ZNF827: variants seen among roughly 807,000 people sequenced by gnomAD.
ZNF827 encodes the protein zinc finger protein 827.
In ZNF827, 13 loss-of-function variants were observed where a neutral mutation model predicts 102.4. That is an observed-to-expected ratio of 0.13 (90% confidence interval 0.08 to 0.20). ZNF827 has a LOEUF of 0.20. ZNF827 is among the 10% of genes least tolerant of loss of function. The pLI, the probability that ZNF827 is intolerant of heterozygous loss-of-function variation, is 1.00. For missense variants in ZNF827, 1,103 were observed against 1,344.4 expected (o/e 0.82, Z 2.81); for synonymous variants, 523 against 536.2 (o/e 0.98, Z 0.34).
intron 3 of ZNF827, among the ~76,000 whole-genome samples, chr4:145,886,853 A>T (rs9997500): frequency 6.6e-6 from 1 of 152,250 alleles, no homozygotes; most frequent in Non-Finnish European, 1.5e-5. Flanking sequence ...GACGTCTGCA[A>T]TGAAAGAATG....
At chr4:145,907,494 T>C (rs1751961961) in intron 1 of ZNF827, among the ~76,000 whole-genome samples, 1 of 152,218 alleles carries the variant, frequency 6.6e-6, no homozygotes, top group African/African-American at 2.4e-5. Context: ...TCTTTCACAA[T>C]CTGAGAAGTC....
At chr4:145,853,359 G>A (rs553970532) in intron 5 of ZNF827, among the ~76,000 whole-genome samples, 5 of 152,328 alleles carry the variant, frequency 3.3e-5, no homozygotes, top group Non-Finnish European at 7.3e-5. Context: ...CACACACAAC[G>A]TGAATCCTTT....
Position 145,904,589 on chromosome 4 carries a change from G to A in ZNF827, c.44-1374C>T, listed in dbSNP as rs116736194. 4.2e-3 allele frequency among the ~76,000 whole-genome samples: 634 copies of A among 152,340 alleles called. 4 individuals are homozygous for A. The highest frequency in any genetic ancestry group is 0.013 in the African/African-American group (525 of 41,576). On this transcript the variant is annotated intron_variant, in intron 1 of 14. Transcript: ENST00000508784. ...CCTGCTGTGGGAACATGCCTGGCAC[G>A]CCCATGGAACAGCACTGAAGCCAGT...
At chr4:145,849,800 G>A (rs984666682) in intron 5 of ZNF827, among the ~76,000 whole-genome samples, 1 of 152,300 alleles carries the variant, frequency 6.6e-6, no homozygotes, top group South Asian at 2.1e-4. Flanking sequence ...CGAGATCACA[G>A]ATGGTAGCAG....
chr4:145,891,411 T>A (rs893358562), intron 3 of ZNF827, among the ~76,000 whole-genome samples: 1 of 152,234 alleles, frequency 6.6e-6, no homozygotes, highest in Non-Finnish European at 1.5e-5. Flanking sequence ...TTTGATCCCA[T>A]GAGTTTCCTC....
chr4:145,899,197 G>T (rs1348737756), intron 2 of ZNF827, among the ~76,000 whole-genome samples: 1 of 152,084 alleles, frequency 6.6e-6, no homozygotes, highest in Non-Finnish European at 1.5e-5. Flanking sequence ...CCCATACAGG[G>T]GTGATGACTC....
chr4:145,896,568 T>C lies in ZNF827; in HGVS notation c.1094-4153A>G, dbSNP rs7685941. On this transcript the variant is annotated intron_variant, in intron 2 of 14. Transcript: ENST00000508784. Reference sequence around the variant, plus strand: ...CCGTAAGGAGATTAAATGAAAAAGGTTGGGTTAAGGGAATAGAGAGAAGTG... The same window carrying C: ...CCGTAAGGAGATTAAATGAAAAAGGCTGGGTTAAGGGAATAGAGAGAAGTG... 8.8e-3 allele frequency among the ~76,000 whole-genome samples: 1,333 copies of C among 151,990 alleles called. 22 individuals are homozygous for C. The highest frequency in any genetic ancestry group is 0.031 in the African/African-American group (1,275 of 41,446).
rs574985810 is a variant in ZNF827 at position 145,904,849 on chromosome 4, G to T, written c.44-1634C>A. Among the ~76,000 whole-genome samples the T allele has an allele frequency of 9.8e-5, 15 of 152,334 alleles. 1 individual carries two copies. The South Asian group carries it at 3.1e-3, about 32-fold the overall frequency. On this transcript the variant is annotated intron_variant, in intron 1 of 14. Coordinates refer to ENST00000508784, the MANE Select transcript of ZNF827 (RefSeq NM_001306215.2). ...ACTGGGTACCACTGGAGGGTTTGTGGCAAGCGAGTGTTATGACATGACTTA... is the reference window on the plus strand; with the variant it reads ...ACTGGGTACCACTGGAGGGTTTGTGTCAAGCGAGTGTTATGACATGACTTA...
chr4:145,830,248 C>T lies in ZNF827; in HGVS notation c.2280-6723G>A, dbSNP rs184651043. ...AGAGCTTGCTAATAATAACAGATTA[C>T]AGGCCTTGCCAAAAGACAAAAAAAG... On this transcript the variant is annotated intron_variant, in intron 7 of 14. Transcript: ENST00000508784. 1.6e-4 allele frequency among the ~76,000 whole-genome samples: 24 copies of T among 150,514 alleles called. No homozygotes were observed. In the East Asian group the frequency reaches 4.0e-3, roughly 25 times the overall value.
At chr4:145,918,878 C>A (rs1473538368) in intron 1 of ZNF827, among the ~76,000 whole-genome samples, 5 of 152,202 alleles carry the variant, frequency 3.3e-5, no homozygotes, top group Admixed American at 3.3e-4. Flanking sequence ...TGGTGCAAAT[C>A]CTCTATGAAT....
Position 145,864,512 on chromosome 4 carries a change from T to G in ZNF827, c.1981+5733A>C, listed in dbSNP as rs559730202. Reference sequence around the variant, plus strand: ...TGGAGCCTGAGGTGGGAGGATCGCTTGAGCCTAGGAGTTCAAGGTTACAGT... The same window carrying G: ...TGGAGCCTGAGGTGGGAGGATCGCTGGAGCCTAGGAGTTCAAGGTTACAGT... On this transcript the variant is annotated intron_variant, in intron 5 of 14. Coordinates refer to ENST00000508784, the MANE Select transcript of ZNF827 (RefSeq NM_001306215.2). Among the ~76,000 whole-genome samples the G allele has an allele frequency of 3.1e-3, 476 of 151,824 alleles. 2 individuals carry two copies. The highest frequency in any genetic ancestry group is 0.011 in the African/African-American group (457 of 41,382).
intron 7 of ZNF827, among the ~76,000 whole-genome samples, chr4:145,833,833 C>T (rs113381324): frequency 0.041 from 6,212 of 151,866 alleles, 398 homozygotes; most frequent in African/African-American, 0.14. Context: ...TATTTCTGCG[C>T]CCCATCCCTT....
rs570530373 is a variant in ZNF827 at position 145,852,074 on chromosome 4, C to T, written c.1982-2513G>A. ...TCAGTGTCATAGGTACATAATGATG[C>T]GTCTGAATCTTGCACTGGGAAGTCA... On this transcript the variant is annotated intron_variant, in intron 5 of 14. Coordinates refer to ENST00000508784, the MANE Select transcript of ZNF827 (RefSeq NM_001306215.2). 1.1e-4 allele frequency among the ~76,000 whole-genome samples: 17 copies of T among 152,270 alleles called. No homozygotes were observed. In the East Asian group the frequency reaches 1.5e-3, roughly 14 times the overall value.
chr4:145,784,016 G>C (rs1159234926), intron 8 of ZNF827, among the ~76,000 whole-genome samples: 1 of 152,082 alleles, frequency 6.6e-6, no homozygotes, highest in Non-Finnish European at 1.5e-5. Flanking sequence ...TTGTTTAAAA[G>C]TGTGCAGCAC....
intron 4 of ZNF827, 73 bp from the exon 5 acceptor site, chr4:145,870,551 G>GT: frequency 7.7e-7 from 1 of 1,297,498 alleles, no homozygotes; most frequent in Non-Finnish European, 1.1e-6. Context: ...GGTACTTCAC[G>GT]AAGTATGGAA....
At chr4:145,776,790 T>A (rs1737183805) in intron 9 of ZNF827, among the ~76,000 whole-genome samples, 1 of 152,244 alleles carries the variant, frequency 6.6e-6, no homozygotes, top group South Asian at 2.1e-4. Context: ...GAAAAAATGC[T>A]GTGTGAAATA....
At chr4:145,837,935 G>A (rs1171698456) in intron 7 of ZNF827, among the ~76,000 whole-genome samples, 2 of 151,762 alleles carry the variant, frequency 1.3e-5, no homozygotes, top group Non-Finnish European at 2.9e-5. Context: ...AATCCCGCTT[G>A]AAGCAGCCCT....
rs115866155 is a variant in ZNF827, at chr4:145,861,941, T to C, written c.1981+8304A>G. Among the ~76,000 whole-genome samples the C allele has an allele frequency of 9.8e-3, 1,490 of 152,298 alleles. 21 individuals are homozygous for C. Among genetic ancestry groups the C allele is most frequent in the African/African-American group, 0.032 (1,349 of 41,550 alleles). On this transcript the variant is annotated intron_variant, in intron 5 of 14. Transcript: ENST00000508784. The stretch of plus-strand genomic sequence containing the variant: ...AAGAGCCCTTTTGAGTCTGGTCTTT[T>C]GAATCCCAGGCCTTGGAGAAAGCTG...
Position 145,902,105 on chromosome 4 carries a change from A to G in ZNF827, c.1093+61T>C. 2 of 1,514,576 alleles carry G rather than the reference A, an allele frequency of 1.3e-6. No individual in the cohort carries two copies. The highest frequency in any genetic ancestry group is 8.8e-7 in the Non-Finnish European group (1 of 1,132,662). 93.8% of individuals were successfully genotyped at this position (1,514,576 alleles called of 1,614,324 possible). ...AACCCAACTGAAAAAAGCAATGAATAAGACATCGCAGTTTATAGTCTAAAG... is the reference window on the plus strand; with the variant it reads ...AACCCAACTGAAAAAAGCAATGAATGAGACATCGCAGTTTATAGTCTAAAG... On this transcript the variant is annotated intron_variant, in intron 2 of 14. Coordinates refer to ENST00000508784, the MANE Select transcript of ZNF827 (RefSeq NM_001306215.2). This position sits in a 1 kb window ranked among gnomAD's most constrained non-coding sequence, Gnocchi z 4.3.
Sources: allele counts gnomAD v4.1 joint callset (sites outside exome capture counted in the v4.1 genomes callset), GRCh38; gene constraint gnomAD v4.1.1; non-coding constraint Gnocchi (gnomAD v3.1); transcripts MANE v1.5; gene names NCBI Gene and HGNC (gene_info 2026-07-23, HGNC 2026-07-21).